DYSF: variants seen among roughly 807,000 people sequenced by gnomAD.
DYSF encodes dysferlin, also known as dystrophy-associated fer-1-like 1.
Under a neutral mutation model 274.9 loss-of-function variants are expected in DYSF, and 212 were observed. The ratio of observed to expected loss-of-function variants is 0.77; its 90% confidence interval spans 0.69 to 0.86. The LOEUF is 0.86. DYSF is among the 40% of genes least tolerant of loss of function. DYSF has a pLI of 0.00. For missense variants in DYSF, 2,666 were observed against 2,783.2 expected (o/e 0.96, Z 0.95); for synonymous variants, 1,091 against 1,078.7 (o/e 1.01, Z -0.22).
At chr2:71,669,775 C>G in intron 51 of DYSF, 29 bp downstream of exon 51, 1 of 1,614,070 alleles carries the variant, frequency 6.2e-7, no homozygotes, top group Non-Finnish European at 8.5e-7. Context: ...CCCTGTGGTG[C>G]CAGCACCAGG....
intron 24 of DYSF, among the ~76,000 whole-genome samples, chr2:71,566,425 C>G (rs1014312018): frequency 6.6e-6 from 1 of 151,740 alleles, no homozygotes; most frequent in Non-Finnish European, 1.5e-5. Context: ...TTATGAGCCC[C>G]GCCAGTAGCT....
chr2:71,660,729 G>T, intron 45 of DYSF, 78 bp downstream of exon 45: 1 of 1,275,652 alleles, frequency 7.8e-7, no homozygotes, highest in Non-Finnish European at 1.1e-6. Context: ...AGATGTGACT[G>T]GCACTGTGAA....
chr2:71,515,846 C>T (rs1023242061), intron 8 of DYSF, 95 bp downstream of exon 8: 43 of 1,557,660 alleles, frequency 2.8e-5, no homozygotes, highest in South Asian at 4.7e-5. Flanking sequence ...AGAGTGTTTA[C>T]GTATGGCGCT....
At chr2:71,601,196 C>T (rs1432055614) in intron 34 of DYSF, 8 of 592,630 alleles carry the variant, frequency 1.3e-5, no homozygotes, top group Non-Finnish European at 2.4e-5. Flanking sequence ...GACCTAGCCT[C>T]ATGGCCCTGG....
chr2:71,555,288 A>T (rs72827541), intron 21 of DYSF, among the ~76,000 whole-genome samples: 20 of 151,988 alleles, frequency 1.3e-4, no homozygotes, highest in Non-Finnish European at 2.8e-4. Flanking sequence ...TTCCAGTTCT[A>T]CGAGATTGGT....
At chr2:71,640,996 G>T (rs2094476635) in intron 41 of DYSF, among the ~76,000 whole-genome samples, 1 of 151,542 alleles carries the variant, frequency 6.6e-6, no homozygotes, top group African/African-American at 2.4e-5. Context: ...ATCAATTTTG[G>T]CAATTTTTAT....
chr2:71,617,671 TGTGTGTGGTAGAGGTGGGGTGTGTGC>T lies in DYSF; in HGVS notation c.4465-2850_4465-2825del, dbSNP rs1318719279. Among the ~76,000 whole-genome samples, 52 of 139,066 alleles carry T rather than the reference TGTGTGTGGTAGAGGTGGGGTGTGTGC, an allele frequency of 3.7e-4. 1 individual carries two copies. In the South Asian group the frequency reaches 6.2e-3, roughly 17 times the overall value. The allele number at this position is 139,066 out of a possible 152,430, so 91.2% of individuals were successfully genotyped here. A position where few individuals can be genotyped will look rare whatever the true frequency, so the allele number is the denominator to read the frequency against. On this transcript the variant is annotated intron_variant, in intron 40 of 55. Coordinates refer to ENST00000410020, the MANE Select transcript of DYSF (RefSeq NM_001130987.2). ...GTGTGTGTGTGGCAGAGGTGGGGTGTGTGTGTGGTAGAGGTGGGGTGTGTGCGTGTGTGGTAGAGGTGGGGTGTGTG... is the reference window on the plus strand; with the variant it reads ...GTGTGTGTGTGGCAGAGGTGGGGTGTGTGTGTGGTAGAGGTGGGGTGTGTG...
chr2:71,561,606 C>T, intron 22 of DYSF, 146 bp from the exon 23 acceptor site: 1 of 869,880 alleles, frequency 1.1e-6, no homozygotes, highest in Non-Finnish European at 1.9e-6. Flanking sequence ...ATAGAGATGG[C>T]TGTGTGTGTG....
intron 40 of DYSF, among the ~76,000 whole-genome samples, chr2:71,616,004 C>T (rs1001782818): frequency 2.6e-5 from 4 of 152,194 alleles, no homozygotes; most frequent in Admixed American, 2.0e-4. Flanking sequence ...TGGTCCCTTC[C>T]TGTCACTTTC....
chr2:71,524,377 G>A (rs557262384), intron 12 of DYSF, among the ~76,000 whole-genome samples: 90 of 152,324 alleles, frequency 5.9e-4, no homozygotes, highest in African/African-American at 2.0e-3. Context: ...TAGGTGCTCA[G>A]TCAGTGCTTA....
At chr2:71,514,143 C>A (rs1040152135) in intron 7 of DYSF, among the ~76,000 whole-genome samples, 11 of 96,390 alleles carry the variant, frequency 1.1e-4, no homozygotes, top group Non-Finnish European at 1.5e-4. Flanking sequence ...TGTGGTTTTG[C>A]GCTTAAAAAA....
intron 26 of DYSF, 36 bp downstream of exon 26, chr2:71,568,374 G>C: frequency 6.2e-7 from 1 of 1,610,760 alleles, no homozygotes; most frequent in Non-Finnish European, 8.5e-7. Context: ...GGAGAGCCAG[G>C]CCAGGCTGCC....
intron 1 of DYSF, among the ~76,000 whole-genome samples, chr2:71,461,485 C>T (rs80244319): frequency 0.025 from 3,784 of 152,266 alleles, 165 homozygotes; most frequent in African/African-American, 0.086. Flanking sequence ...GCTAGGAGAG[C>T]GAGAGGTGGA....
At chr2:71,552,937 C>T (rs909481043) in intron 19 of DYSF, 74 bp from the exon 20 acceptor site, 34 of 1,526,390 alleles carry the variant, frequency 2.2e-5, no homozygotes, top group Middle Eastern at 1.7e-4. Context: ...GCCTGCCAGA[C>T]GTATGTCCCC....
chr2:71,514,787 A>T (rs1306161048), intron 7 of DYSF, among the ~76,000 whole-genome samples: 5 of 152,242 alleles, frequency 3.3e-5, no homozygotes, highest in African/African-American at 4.8e-5. Context: ...GCCCCAAAAG[A>T]CAAAATTCTA....
In DYSF at chr2:71,669,898, C is replaced by T. The variant is rs79044314; in HGVS notation, c.5784+152C>T. On this transcript the variant is annotated intron_variant, in intron 51 of 55. Coordinates refer to ENST00000410020, the MANE Select transcript of DYSF (RefSeq NM_001130987.2). ...ACTGCCATCTCCACATGGCCACCAC[C>T]TCCACTGTCCCAGCACTGCCAGTGT... The T allele has an allele frequency of 2.0e-3, 1,959 of 986,202 alleles. 39 individuals are homozygous for T. In the African/African-American group the frequency reaches 0.028, roughly 14 times the overall value. The allele number at this position is 986,202 out of a possible 1,614,324, so 61.1% of individuals were successfully genotyped here.
chr2:71,590,870 C>T (rs1308665132), intron 32 of DYSF, among the ~76,000 whole-genome samples: 1 of 152,198 alleles, frequency 6.6e-6, no homozygotes, highest in African/African-American at 2.4e-5. Flanking sequence ...GATCTGTTCC[C>T]TCCTCTTTAA....
In DYSF at chr2:71,682,677, G is replaced by A. The variant is rs139267208; in HGVS notation, c.6321G>A (p.Pro2107=). The A allele has an allele frequency of 5.9e-5, 95 of 1,613,520 alleles. 1 individual carries two copies. The South Asian group carries it at 7.4e-4, about 13-fold the overall frequency. Residue 2107 remains proline, a splice_region_variant and synonymous_variant, in exon 55 of 56, where the codon CCG becomes CCA. Coordinates refer to ENST00000410020, the MANE Select transcript of DYSF (RefSeq NM_001130987.2). ...LFLAIFIYAF[P]NYAAMKLVKP... is the part of the protein sequence containing the mutation. ...TGGCCATCTTCATCTACGCCTTCCC[G>A]GTGAGCAGGCCTGACGACACTGTGG...
chr2:71,671,492 G>A (rs2095120631), intron 51 of DYSF, among the ~76,000 whole-genome samples: 1 of 152,260 alleles, frequency 6.6e-6, no homozygotes, highest in Non-Finnish European at 1.5e-5. Context: ...ACAAGGGCTG[G>A]AGACTGAGAC....
Sources: allele counts gnomAD v4.1 joint callset (sites outside exome capture counted in the v4.1 genomes callset), GRCh38; gene constraint gnomAD v4.1.1; transcripts MANE v1.5; gene names NCBI Gene and HGNC (gene_info 2026-07-23, HGNC 2026-07-21).